PTPRR: variants seen among roughly 807,000 people sequenced by gnomAD.
PTPRR encodes the protein protein tyrosine phosphatase receptor type R, also known as receptor-type tyrosine-protein phosphatase R.
Under a neutral mutation model 77.2 loss-of-function variants are expected in PTPRR, and 38 were observed. The ratio of observed to expected loss-of-function variants is 0.49; its 90% CI spans 0.38 to 0.65. PTPRR has a LOEUF of 0.65. Ranked by LOEUF, PTPRR falls within the 30% of genes least tolerant of loss-of-function variation. The probability of loss-of-function intolerance (pLI) is 0.00; values close to 1 mark genes in which losing one functional copy is unlikely to be tolerated. For synonymous variants in PTPRR, 299 were observed against 283.1 expected, an observed-to-expected ratio of 1.06 and a Z score of -0.57; for missense variants, 744 against 799.2, an observed-to-expected ratio of 0.93 and a Z score of 0.83.
intron 2 of PTPRR, among the ~76,000 whole-genome samples, chr12:70,873,527 T>C (rs1892997446): frequency 6.6e-6 from 1 of 152,112 alleles, no homozygotes; most frequent in Admixed American, 6.5e-5. Context: ...GTAAAAGGAA[T>C]TGAAATGAAC....
intron 5 of PTPRR, among the ~76,000 whole-genome samples, chr12:70,750,305 G>A (rs568114285): frequency 3.9e-5 from 6 of 151,910 alleles, no homozygotes; most frequent in South Asian, 2.1e-4. Flanking sequence ...TCATTTCTAC[G>A]GCATGTAGGA....
At chr12:70,841,932 G>A (rs1378088598) in intron 2 of PTPRR, among the ~76,000 whole-genome samples, 1 of 152,066 alleles carries the variant, frequency 6.6e-6, no homozygotes, top group African/African-American at 2.4e-5. Context: ...TCTCCATGGT[G>A]GTCTATTAGC....
intron 2 of PTPRR, among the ~76,000 whole-genome samples, chr12:70,769,434 T>C (rs1431435525): frequency 6.6e-6 from 1 of 152,090 alleles, no homozygotes; most frequent in Non-Finnish European, 1.5e-5. Context: ...TATAAAATAC[T>C]TAGGAATCCA....
chr12:70,764,775 G>C lies in PTPRR; in HGVS notation c.361C>G (p.Leu121Val). ...TTCAGCTTGTTTACATCCATTTGCA[G>C]TGTCTAGAAAATAAGGACAAAAATA... ...IPAANVIVVT[L>V]QMDVNKLNIT... The change falls in exon 3 of 14, where the codon CTG becomes GTG. Residue 121 changes from leucine to valine, a missense_variant. Leu to Val is a conservative substitution (Grantham distance 32). This residue lies in a region of PTPRR where 570 missense variants were observed against 573.2 expected (regional missense o/e 0.99). Transcript: ENST00000283228. 1 of 1,610,462 alleles carries C rather than the reference G, an allele frequency of 6.2e-7. No homozygotes were observed. Among genetic ancestry groups the C allele is most frequent in the Non-Finnish European group, 8.5e-7 (1 of 1,176,640 alleles).
At chr12:70,672,972 C>T (rs763279197) in intron 10 of PTPRR, 1 of 1,384,100 alleles carries the variant, frequency 7.2e-7, no homozygotes, top group African/African-American at 1.5e-5. Flanking sequence ...TGTAAGCCTC[C>T]TCTTCTAGGT....
At chr12:70,759,242 T>C (rs759970679) in intron 4 of PTPRR, among the ~76,000 whole-genome samples, 3 of 152,180 alleles carry the variant, frequency 2.0e-5, no homozygotes, top group Admixed American at 6.5e-5. Context: ...AGCATGACTA[T>C]TTGTTGACTC....
chr12:70,778,990 C>A (rs1464092978), intron 2 of PTPRR, among the ~76,000 whole-genome samples: 1 of 152,070 alleles, frequency 6.6e-6, no homozygotes, highest in Non-Finnish European at 1.5e-5. Context: ...GGATTACAGG[C>A]ATGCACCACC....
chr12:70,725,977 A>G (rs1420516009), intron 6 of PTPRR, among the ~76,000 whole-genome samples: 1 of 152,090 alleles, frequency 6.6e-6, no homozygotes, highest in Non-Finnish European at 1.5e-5. Context: ...ATCATTGTCA[A>G]TACTATTGCT....
intron 2 of PTPRR, among the ~76,000 whole-genome samples, chr12:70,867,053 G>C (rs1892865286): frequency 6.6e-6 from 1 of 150,850 alleles, no homozygotes; most frequent in Non-Finnish European, 1.5e-5. Flanking sequence ...AATAATAAGA[G>C]CTATCTATGA....
intron 1 of PTPRR, among the ~76,000 whole-genome samples, chr12:70,901,294 G>T (rs1893529680): frequency 1.3e-5 from 2 of 151,482 alleles, no homozygotes; most frequent in African/African-American, 4.8e-5. Context: ...TCAAAGAGAT[G>T]CCTGCACTCC....
intron 2 of PTPRR, among the ~76,000 whole-genome samples, chr12:70,810,480 A>C (rs1891789919): frequency 6.6e-6 from 1 of 152,200 alleles, no homozygotes; most frequent in African/African-American, 2.4e-5. Flanking sequence ...AGGTCAATGC[A>C]TTAATCTCTT....
intron 8 of PTPRR, among the ~76,000 whole-genome samples, chr12:70,691,529 C>T (rs544217738): frequency 6.6e-5 from 10 of 152,228 alleles, no homozygotes; most frequent in African/African-American, 2.4e-4. Context: ...ATCCTGAGGG[C>T]TCTCAAATAC....
intron 13 of PTPRR, among the ~76,000 whole-genome samples, chr12:70,648,912 G>A (rs1040151035): frequency 1.3e-5 from 2 of 151,924 alleles, no homozygotes; most frequent in Admixed American, 1.3e-4. Flanking sequence ...TTCAAAATAT[G>A]CTCAAAAGTA....
At chr12:70,705,231 A>G (rs1888575410) in intron 6 of PTPRR, among the ~76,000 whole-genome samples, 1 of 152,138 alleles carries the variant, frequency 6.6e-6, no homozygotes, top group Non-Finnish European at 1.5e-5. Context: ...TCAGTTTCTA[A>G]TGACTTAGAG....
At chr12:70,673,060 A>AAGAT (rs1887305835) in intron 10 of PTPRR, 2 of 1,191,786 alleles carry the variant, frequency 1.7e-6, no homozygotes, top group Non-Finnish European at 2.2e-6. Flanking sequence ...GAAAGAAAGA[A>AAGAT]AGAAATATAT....
intron 2 of PTPRR, among the ~76,000 whole-genome samples, chr12:70,817,353 A>G (rs905021931): frequency 2.0e-5 from 3 of 152,180 alleles, no homozygotes; most frequent in East Asian, 1.9e-4. Context: ...TAAGGTCTGT[A>G]TATTAAGTAA....
chr12:70,900,527 G>A (rs1276566546), intron 1 of PTPRR, among the ~76,000 whole-genome samples: 1 of 151,324 alleles, frequency 6.6e-6, no homozygotes, highest in Non-Finnish European at 1.5e-5. Flanking sequence ...AGACAAATGG[G>A]ATTGCATCAA....
At chr12:70,903,217 T>G (rs2137128907) in intron 1 of PTPRR, among the ~76,000 whole-genome samples, 1 of 151,930 alleles carries the variant, frequency 6.6e-6, no homozygotes, top group Non-Finnish European at 1.5e-5. Flanking sequence ...AATAATTTAT[T>G]GTGTATTTCA....
chr12:70,892,518 C>G (rs1893355214), intron 2 of PTPRR, among the ~76,000 whole-genome samples, 161 bp downstream of exon 2: 1 of 152,070 alleles, frequency 6.6e-6, no homozygotes, highest in Non-Finnish European at 1.5e-5. Flanking sequence ...AAACAGACAA[C>G]AGTCAAGTAA....
Sources: gnomAD v4.1 joint callset for allele counts (sites outside exome capture counted in the v4.1 genomes callset) on GRCh38, gnomAD v4.1.1 for gene constraint, gnomAD v4.1.1 regional missense constraint, MANE v1.5 for transcripts, NCBI Gene and HGNC (gene_info 2026-07-23, HGNC 2026-07-21) for gene names.